INSL6: variants seen among roughly 807,000 people sequenced by gnomAD.
INSL6 encodes insulin like 6.
INSL6 carries 16 observed loss-of-function variants against 9.4 expected under a neutral mutation model. The observed-to-expected ratio is 1.70, with a 90% CI of 1.15 to 2.59. The LOEUF is 2.59. Among genes scored for constraint, INSL6 ranks in the 30% most tolerant of loss-of-function variants. The pLI is 0.00. For synonymous variants in INSL6, 154 were observed against 96.9 expected (o/e 1.59, Z -3.46); for missense variants, 391 against 257.3 (o/e 1.52, Z -3.56).
the INSL6 span, among the ~76,000 whole-genome samples, chr9:5,014,538 A>G: frequency 9.2e-5 from 14 of 152,194 alleles, no homozygotes; most frequent in Non-Finnish European, 2.1e-4. Flanking sequence ...AAAATATCAG[A>G]ACAGCTGTGG....
intron 1 of INSL6, among the ~76,000 whole-genome samples, chr9:5,172,080 C>G (rs1269662188): frequency 6.6e-6 from 1 of 152,166 alleles, no homozygotes; most frequent in East Asian, 1.9e-4. Flanking sequence ...TACTGGACTT[C>G]AAACTATACT....
At chr9:4,999,284 TTTC>T in the INSL6 span, among the ~76,000 whole-genome samples, 1 of 152,230 alleles carries the variant, frequency 6.6e-6, no homozygotes, top group Non-Finnish European at 1.5e-5. Flanking sequence ...AGATTTCTTG[TTTC>T]TTAAGTGAAA....
chr9:5,178,406 C>T (rs939509941), intron 1 of INSL6, among the ~76,000 whole-genome samples: 2 of 152,200 alleles, frequency 1.3e-5, no homozygotes, highest in African/African-American at 4.8e-5. Context: ...GCTGCTTTGG[C>T]AGATTGTGGC....
chr9:5,062,096 C>T, the INSL6 span, among the ~76,000 whole-genome samples: 1 of 152,074 alleles, frequency 6.6e-6, no homozygotes, highest in Non-Finnish European at 1.5e-5. Flanking sequence ...CCTTGGACAT[C>T]ACAGGTTTGA....
At chr9:5,137,404 A>AT (rs1824405612) in intron 2 of INSL6, among the ~76,000 whole-genome samples, 1 of 152,196 alleles carries the variant, frequency 6.6e-6, no homozygotes, top group African/African-American at 2.4e-5. Context: ...ACAGCATGGT[A>AT]TTGGTATCAA....
intron 2 of INSL6, among the ~76,000 whole-genome samples, chr9:5,137,256 G>T (rs1022620731): frequency 2.0e-5 from 3 of 151,910 alleles, no homozygotes; most frequent in African/African-American, 7.3e-5. Context: ...TCACAGAACT[G>T]GAAAAAAACT....
chr9:5,147,110 T>C (rs918296057), intron 2 of INSL6, among the ~76,000 whole-genome samples: 1 of 152,170 alleles, frequency 6.6e-6, no homozygotes, highest in Non-Finnish European at 1.5e-5. Flanking sequence ...CTGCTACAGA[T>C]GCTCCTGCAG....
the INSL6 span, among the ~76,000 whole-genome samples, chr9:4,998,227 G>C: frequency 2.6e-5 from 4 of 151,956 alleles, no homozygotes; most frequent in African/African-American, 9.7e-5. Flanking sequence ...ATTGAAATGA[G>C]ATCTTAAGGG....
chr9:5,001,161 C>T, the INSL6 span, among the ~76,000 whole-genome samples: 6 of 152,032 alleles, frequency 3.9e-5, no homozygotes, highest in African/African-American at 7.2e-5. Context: ...AGTTTTATTT[C>T]TTTCATTTCA....
Position 5,164,195 on chromosome 9 carries a change from C to G in INSL6, c.360G>C (p.Lys120Asn). The change falls in exon 2 of 2, where the codon AAG becomes AAC. Residue 120 changes from lysine to asparagine, a missense_variant. Transcript: ENST00000381641. The part of the protein sequence containing the change: ...MQSLPEYKDK[K>N]GYSPLGKTRE... ...TTGTCTTACCAAGGGGTGAATATCC[C>G]TTTTTATCCTTATACTCAGGTAGTG... 1 of 1,606,842 alleles carries G rather than the reference C, an allele frequency of 6.2e-7. No individual in the cohort carries two copies. The highest frequency in any genetic ancestry group is 8.5e-7 in the Non-Finnish European group (1 of 1,177,436).
the INSL6 span, chr9:5,021,873 T>C: frequency 1.5e-6 from 1 of 675,054 alleles, no homozygotes; most frequent in Non-Finnish European, 2.5e-6. Flanking sequence ...GCTCAAGCTA[T>C]CTGCCCGCCT....
At chr9:5,042,849 C>G in the INSL6 span, among the ~76,000 whole-genome samples, 1 of 152,312 alleles carries the variant, frequency 6.6e-6, no homozygotes, top group Non-Finnish European at 1.5e-5. Flanking sequence ...AATGCTGCAC[C>G]AAAGCTCGGT....
At chr9:5,168,273 A>T (rs2130909265) in intron 1 of INSL6, among the ~76,000 whole-genome samples, 1 of 152,324 alleles carries the variant, frequency 6.6e-6, no homozygotes, top group Admixed American at 6.5e-5. Context: ...AATAACAAAC[A>T]TCCCTGAGCT....
chr9:5,101,304 C>A, the INSL6 span, among the ~76,000 whole-genome samples: 4 of 152,220 alleles, frequency 2.6e-5, no homozygotes, highest in African/African-American at 9.6e-5. Flanking sequence ...AAGATCCACC[C>A]GTGAGGCAGC....
Position 5,178,933 on chromosome 9 carries a change from T to C in INSL6, c.289+6381A>G, listed in dbSNP as rs114462080. On this transcript the variant is annotated intron_variant, in intron 1 of 1. Coordinates refer to ENST00000381641, the MANE Select transcript of INSL6 (RefSeq NM_007179.3). ...TTAGAAGAAAATCTAGGCAATAGCATTCAAGACACAGGCACAGGCAAATAT... is the reference window on the plus strand; with the variant it reads ...TTAGAAGAAAATCTAGGCAATAGCACTCAAGACACAGGCACAGGCAAATAT... 5.7e-3 allele frequency among the ~76,000 whole-genome samples: 861 copies of C among 152,074 alleles called. 4 individuals carry two copies. The highest frequency in any genetic ancestry group is 0.019 in the African/African-American group (795 of 41,452).
chr9:5,133,675 G>C (rs964771160), intron 2 of INSL6: 1 of 151,880 alleles, frequency 6.6e-6, no homozygotes, highest in Non-Finnish European at 1.5e-5. Flanking sequence ...TGTCCACTCA[G>C]AGACCCCACC....
At chr9:5,014,833 A>G in the INSL6 span, among the ~76,000 whole-genome samples, 3 of 152,026 alleles carry the variant, frequency 2.0e-5, no homozygotes, top group Admixed American at 6.6e-5. Flanking sequence ...TTGCACCTAC[A>G]TATGTGTTTC....
At chr9:5,119,978 A>G (rs143940122), downstream of INSL6, among the ~76,000 whole-genome samples, 716 of 152,332 alleles carry the variant, frequency 4.7e-3, 9 homozygotes, top group African/African-American at 0.016. Flanking sequence ...TGAATAATAA[A>G]CACTGTCTTA....
At chr9:5,065,038 T>C in the INSL6 span, 1 of 1,576,626 alleles carries the variant, frequency 6.3e-7, no homozygotes, top group Non-Finnish European at 8.6e-7. Context: ...ATGGCCCAAT[T>C]TCGTGAGTAA....
Sources: gnomAD v4.1 joint callset for allele counts (sites outside exome capture counted in the v4.1 genomes callset) on GRCh38, gnomAD v4.1.1 for gene constraint, MANE v1.5 for transcripts, NCBI Gene and HGNC (gene_info 2026-07-23, HGNC 2026-07-21) for gene names.